ANO3: variants seen among roughly 807,000 people sequenced by gnomAD.
ANO3 encodes anoctamin 3.
Under a neutral mutation model 144.8 loss-of-function variants are expected in ANO3, and 99 were observed. The observed-to-expected ratio is 0.68, with a 90% CI of 0.58 to 0.81. The LOEUF (loss-of-function observed/expected upper bound fraction) is 0.81, where lower values mean the gene tolerates loss of function less well. Among genes scored for constraint, ANO3 ranks in the 30% least tolerant of loss-of-function variants. The pLI is 0.00. For missense variants in ANO3, 905 were observed against 1,202.2 expected (o/e 0.75, Z 3.66); for synonymous variants, 414 against 392.6 (o/e 1.05, Z -0.64).
At chr11:26,278,066 C>CCTATCAGT (rs1226065597) in intron 1 of ANO3, among the ~76,000 whole-genome samples, 1 of 152,036 alleles carries the variant, frequency 6.6e-6, no homozygotes, top group Non-Finnish European at 1.5e-5. Context: ...GACTATTGAT[C>CCTATCAGT]CTATCAGTCT....
chr11:26,651,061 T>A (rs1853515907), intron 24 of ANO3, among the ~76,000 whole-genome samples: 1 of 152,226 alleles, frequency 6.6e-6, no homozygotes, highest in African/African-American at 2.4e-5. Context: ...TTCCCAATTT[T>A]TTTTCTGATA....
At chr11:26,510,059 G>C (rs190697906) in intron 5 of ANO3, among the ~76,000 whole-genome samples, 1 of 147,330 alleles carries the variant, frequency 6.8e-6, no homozygotes, top group Non-Finnish European at 1.5e-5. Flanking sequence ...ACTTGAACCC[G>C]GGAGATGGAG....
chr11:26,491,568 G>A (rs1003527050), intron 4 of ANO3, among the ~76,000 whole-genome samples: 2 of 152,176 alleles, frequency 1.3e-5, no homozygotes, highest in Admixed American at 6.6e-5. Context: ...GAAGCAGCGT[G>A]TTAGAGGGCT....
intron 1 of ANO3, among the ~76,000 whole-genome samples, chr11:26,242,359 G>T (rs1023512388): frequency 4.4e-4 from 67 of 151,860 alleles, no homozygotes; most frequent in African/African-American, 1.5e-3. Flanking sequence ...CTGTAGATTT[G>T]CCCTGTCCAT....
intron 1 of ANO3, among the ~76,000 whole-genome samples, chr11:26,213,102 T>A (rs1169713484): frequency 1.3e-5 from 2 of 152,016 alleles, no homozygotes; most frequent in Non-Finnish European, 2.9e-5. Context: ...TAAAAACTCC[T>A]AATAAACTGT....
intron 1 of ANO3, among the ~76,000 whole-genome samples, chr11:26,350,070 CAGGAACGGAAG>C: frequency 6.6e-6 from 1 of 151,012 alleles, no homozygotes; most frequent in Non-Finnish European, 1.5e-5. Flanking sequence ...GGGGAGGAGA[CAGGAACGGAAG>C]GGGGAGAAGA....
intron 14 of ANO3, chr11:26,561,227 T>C: frequency 1.3e-6 from 2 of 1,596,198 alleles, no homozygotes; most frequent in Non-Finnish European, 1.7e-6. Context: ...ATCGCAGAAC[T>C]AAAAAAGTAA....
chr11:26,440,572 T>A (rs547648341), intron 1 of ANO3, among the ~76,000 whole-genome samples: 1 of 152,210 alleles, frequency 6.6e-6, no homozygotes, highest in East Asian at 1.9e-4. Context: ...AAGAATGAAC[T>A]GAGACAGGCA....
intron 14 of ANO3, 89 bp downstream of exon 14, chr11:26,559,868 A>ACAC: frequency 2.5e-6 from 2 of 814,490 alleles, no homozygotes; most frequent in Non-Finnish European, 2.0e-6. Context: ...ACACACACAC[A>ACAC]CACACACCAT....
At chr11:26,359,389 G>C (rs1013444659) in intron 1 of ANO3, among the ~76,000 whole-genome samples, 1 of 152,144 alleles carries the variant, frequency 6.6e-6, no homozygotes, top group African/African-American at 2.4e-5. Context: ...CCTGAAGTGT[G>C]AGCACCATGT....
At chr11:26,277,813 C>T (rs1381267760) in intron 1 of ANO3, among the ~76,000 whole-genome samples, 1 of 151,958 alleles carries the variant, frequency 6.6e-6, no homozygotes, top group Non-Finnish European at 1.5e-5. Context: ...CATCTCTGGA[C>T]TGTGAGTTTT....
intron 11 of ANO3, among the ~76,000 whole-genome samples, chr11:26,545,339 A>G (rs1849758966): frequency 6.6e-6 from 1 of 152,086 alleles, no homozygotes; most frequent in African/African-American, 2.4e-5. Flanking sequence ...AAAGTCAGAT[A>G]CAGGCAATTC....
intron 4 of ANO3, among the ~76,000 whole-genome samples, chr11:26,484,688 T>G (rs1860371993): frequency 6.6e-6 from 1 of 152,118 alleles, no homozygotes; most frequent in African/African-American, 2.4e-5. Flanking sequence ...CCCAGAATGT[T>G]AAATCCACTG....
chr11:26,433,366 A>G (rs1858186281), intron 1 of ANO3, among the ~76,000 whole-genome samples: 1 of 151,966 alleles, frequency 6.6e-6, no homozygotes, highest in South Asian at 2.1e-4. Context: ...CCTCTCTTCT[A>G]TTTCAGTTCC....
chr11:26,554,999 T>C (rs536094091), intron 13 of ANO3, among the ~76,000 whole-genome samples: 1 of 152,268 alleles, frequency 6.6e-6, no homozygotes, highest in African/African-American at 2.4e-5. Context: ...TACAATTAAT[T>C]TTGACAAGGC....
chr11:26,495,283 T>G (rs1860888047), intron 4 of ANO3, among the ~76,000 whole-genome samples: 1 of 149,578 alleles, frequency 6.7e-6, no homozygotes, highest in Non-Finnish European at 1.5e-5. Flanking sequence ...TTTTTTTTTT[T>G]TTTTTCTGTA....
chr11:26,636,285 T>C (rs1852955328), intron 20 of ANO3, among the ~76,000 whole-genome samples: 1 of 152,214 alleles, frequency 6.6e-6, no homozygotes, highest in South Asian at 2.1e-4. Context: ...AAAATAATAG[T>C]TACAATTAAT....
At chr11:26,272,857 T>A (rs1337039440) in intron 1 of ANO3, among the ~76,000 whole-genome samples, 2 of 152,176 alleles carry the variant, frequency 1.3e-5, no homozygotes, top group Non-Finnish European at 2.9e-5. Flanking sequence ...CTCTGCTTTG[T>A]ATAAATCTAG....
At chr11:26,284,287 A>C (rs1167871357) in intron 1 of ANO3, among the ~76,000 whole-genome samples, 4 of 152,172 alleles carry the variant, frequency 2.6e-5, no homozygotes, top group Admixed American at 1.3e-4. Context: ...GGGCCAGATG[A>C]TTAAGTGCCG....
Sources: gnomAD v4.1 joint callset for allele counts (sites outside exome capture counted in the v4.1 genomes callset) on GRCh38, gnomAD v4.1.1 for gene constraint, MANE v1.5 for transcripts, NCBI Gene and HGNC (gene_info 2026-07-23, HGNC 2026-07-21) for gene names.